TENM3: variants seen among roughly 807,000 people sequenced by gnomAD.
TENM3 encodes the protein teneurin transmembrane protein 3.
A neutral mutation model predicts 255.1 loss-of-function variants in TENM3; 63 were observed. That is an observed-to-expected ratio of 0.25 (90% CI 0.20 to 0.30). The LOEUF (loss-of-function observed/expected upper bound fraction) is 0.30. Among genes scored for constraint, TENM3 ranks in the 10% least tolerant of loss-of-function variants. The pLI is 1.00. For synonymous variants in TENM3, 1,306 were observed against 1,322.3 expected (o/e 0.99, Z 0.27); for missense variants, 2,929 against 3,461.1 (o/e 0.85, Z 3.86).
chr4:182,088,290 T>A, the TENM3 span, among the ~76,000 whole-genome samples: 1 of 152,210 alleles, frequency 6.6e-6, no homozygotes, highest in Non-Finnish European at 1.5e-5. Context: ...GTTAAAACTA[T>A]ACCATATAGC....
intron 3 of TENM3, among the ~76,000 whole-genome samples, chr4:182,363,669 T>C (rs569742228): frequency 1.3e-5 from 2 of 152,278 alleles, no homozygotes; most frequent in East Asian, 3.9e-4. Context: ...ACAAGTGATA[T>C]ATCCAAGAGA....
intron 3 of TENM3, among the ~76,000 whole-genome samples, chr4:182,514,581 A>G (rs542980524): frequency 2.0e-5 from 3 of 152,168 alleles, no homozygotes; most frequent in African/African-American, 7.2e-5. Flanking sequence ...ATATGATTTC[A>G]TATTTCACAG....
At chr4:182,441,321 G>C (rs888131832) in intron 3 of TENM3, among the ~76,000 whole-genome samples, 1 of 152,176 alleles carries the variant, frequency 6.6e-6, no homozygotes, top group Non-Finnish European at 1.5e-5. Context: ...ATGTGAGAGA[G>C]ACACAGACAG....
chr4:181,632,446 C>T, the TENM3 span, among the ~76,000 whole-genome samples: 1 of 152,172 alleles, frequency 6.6e-6, no homozygotes, highest in African/African-American at 2.4e-5. Context: ...AAATAGACTC[C>T]TGCATTCTAC....
chr4:182,455,165 T>G (rs1229598565), intron 3 of TENM3, among the ~76,000 whole-genome samples: 1 of 152,222 alleles, frequency 6.6e-6, no homozygotes, highest in Non-Finnish European at 1.5e-5. Context: ...AGTCACATTT[T>G]CTTGATCAGA....
the TENM3 span, among the ~76,000 whole-genome samples, chr4:181,816,904 T>C: frequency 6.6e-6 from 1 of 152,208 alleles, no homozygotes; most frequent in Non-Finnish European, 1.5e-5. Context: ...GTAACTAACA[T>C]ATATCTGGTA....
the TENM3 span, among the ~76,000 whole-genome samples, chr4:181,457,703 A>C: frequency 7.8e-6 from 1 of 129,032 alleles, no homozygotes; most frequent in African/African-American, 3.2e-5. Context: ...TAAAGAAGTC[A>C]GGTAGTCAAT....
the TENM3 span, among the ~76,000 whole-genome samples, chr4:181,654,754 C>CAA: frequency 0.049 from 4,582 of 92,748 alleles, 175 homozygotes; most frequent in African/African-American, 0.095. Context: ...AACTCCATCT[C>CAA]AAAAAAAAAA....
chr4:181,712,827 G>T, the TENM3 span, among the ~76,000 whole-genome samples: 2 of 152,144 alleles, frequency 1.3e-5, no homozygotes, highest in African/African-American at 4.8e-5. Context: ...CAGTAAGAAT[G>T]ATTTATCAAG....
the TENM3 span, among the ~76,000 whole-genome samples, chr4:181,686,561 A>G: frequency 1.3e-5 from 2 of 152,296 alleles, no homozygotes; most frequent in East Asian, 1.9e-4. Context: ...ACTAGATGTT[A>G]TGGAAATTCA....
chr4:182,404,856 C>A (rs1229963158), intron 3 of TENM3, among the ~76,000 whole-genome samples: 1 of 152,220 alleles, frequency 6.6e-6, no homozygotes, highest in African/African-American at 2.4e-5. Flanking sequence ...CAGCTGTGAG[C>A]TGAGGACAAG....
rs201014580 is a variant in TENM3 at position 182,673,204 on chromosome 4, G to A, written c.1311G>A (p.Pro437=). 2.7e-3 allele frequency: 4,328 copies of A among 1,611,256 alleles called. 8 individuals are homozygous for A. Among genetic ancestry groups the A allele is most frequent in the Non-Finnish European group, 3.2e-3 (3,796 of 1,177,676 alleles). ...GAGTATATGGCCGGAAAGGCTTACC[G>A]CCTTCCCATACTCAGGTAAGACTAG... ...LIGVYGRKGL[P]PSHTQYDFVE... Residue 437 remains proline, a synonymous_variant, in exon 7 of 28, where the codon CCG becomes CCA. Coordinates refer to ENST00000511685, the MANE Select transcript of TENM3 (RefSeq NM_001080477.4).
At chr4:182,355,368 G>C (rs1765449370) in intron 3 of TENM3, among the ~76,000 whole-genome samples, 1 of 152,112 alleles carries the variant, frequency 6.6e-6, no homozygotes, top group African/African-American at 2.4e-5. Context: ...GCAGGTAATG[G>C]GGAGGCTCTG....
chr4:182,714,288 G>T, intron 13 of TENM3, 55 bp downstream of exon 13: 1 of 822,382 alleles, frequency 1.2e-6, no homozygotes, highest in Non-Finnish European at 1.7e-6. Flanking sequence ...GTTCGTAAGT[G>T]ACAGTGAGTA....
the TENM3 span, among the ~76,000 whole-genome samples, chr4:181,473,742 A>G: frequency 7.3e-6 from 1 of 137,482 alleles, no homozygotes; most frequent in Non-Finnish European, 1.5e-5. Flanking sequence ...CATTGACAAA[A>G]TTGTAATTAT....
chr4:182,350,988 C>T (rs1409153645), intron 3 of TENM3, among the ~76,000 whole-genome samples: 1 of 152,050 alleles, frequency 6.6e-6, no homozygotes, highest in African/African-American at 2.4e-5. Flanking sequence ...CGGCCACTGA[C>T]GTGTTGTTAA....
the TENM3 span, among the ~76,000 whole-genome samples, chr4:181,873,248 T>C: frequency 6.6e-6 from 1 of 152,046 alleles, no homozygotes; most frequent in Non-Finnish European, 1.5e-5. Context: ...TTGCATTTTT[T>C]AGTAGAGATG....
chr4:181,704,834 A>G, the TENM3 span, among the ~76,000 whole-genome samples: 8 of 151,996 alleles, frequency 5.3e-5, no homozygotes, highest in Admixed American at 3.3e-4. Flanking sequence ...GGAGTTTGAA[A>G]CCAGCCTGAC....
chr4:182,794,028 C>G, intron 26 of TENM3, 143 bp downstream of exon 26: 1 of 720,528 alleles, frequency 1.4e-6, no homozygotes, highest in Non-Finnish European at 2.2e-6. Context: ...GTGTTTATTT[C>G]TTTATGGAAC....
Sources: gnomAD v4.1 joint callset for allele counts (sites outside exome capture counted in the v4.1 genomes callset) on GRCh38, gnomAD v4.1.1 for gene constraint, MANE v1.5 for transcripts, NCBI Gene and HGNC (gene_info 2026-07-23, HGNC 2026-07-21) for gene names.